Variants in FBXL17 observed in about 807,000 individuals in gnomAD.
FBXL17 encodes the protein F-box/LRR-repeat protein 17.
A neutral mutation model predicts 66.2 loss-of-function variants in FBXL17; 22 were observed. That is an observed-to-expected ratio of 0.33 (90% CI 0.24 to 0.47). The LOEUF is 0.47. Ranked by LOEUF, FBXL17 falls within the 20% of genes least tolerant of loss-of-function variation. FBXL17 has a pLI of 1.00. For synonymous variants in FBXL17, 474 were observed against 400.5 expected (o/e 1.18, Z -2.19); for missense variants, 878 against 948.2 (o/e 0.93, Z 0.97).
In FBXL17 at chr5:108,194,627, T is replaced by G. The variant is rs557938347; in HGVS notation, c.1615-8380A>C. On this transcript the variant is annotated intron_variant, in intron 5 of 8. Coordinates refer to ENST00000542267, the MANE Select transcript of FBXL17 (RefSeq NM_001163315.3). Reference sequence around the variant, plus strand: ...CCTAGACTGTGCTGCTCAGGATCAATCTCTCATCACAAACATCTGAAATCT... The same window carrying G: ...CCTAGACTGTGCTGCTCAGGATCAAGCTCTCATCACAAACATCTGAAATCT... Among the ~76,000 whole-genome samples, 380 of 152,156 alleles carry G rather than the reference T, an allele frequency of 2.5e-3. 2 individuals carry two copies. The highest frequency in any genetic ancestry group is 4.4e-3 in the Non-Finnish European group (300 of 67,926).
chr5:107,912,839 G>A (rs1749997364), intron 7 of FBXL17, among the ~76,000 whole-genome samples: 1 of 152,012 alleles, frequency 6.6e-6, no homozygotes. Flanking sequence ...GCACAATTTG[G>A]TGCCCCAAGA....
chr5:108,080,351 C>T (rs1748715120), intron 6 of FBXL17, among the ~76,000 whole-genome samples: 1 of 152,198 alleles, frequency 6.6e-6, no homozygotes, highest in Non-Finnish European at 1.5e-5. Context: ...AAATTGCCAT[C>T]ACGGAAACAA....
At chr5:107,959,488 C>T (rs904460004) in intron 7 of FBXL17, among the ~76,000 whole-genome samples, 3 of 151,852 alleles carry the variant, frequency 2.0e-5, no homozygotes, top group African/African-American at 7.3e-5. Context: ...CCTGCCTTCG[C>T]CTGGTTCTAA....
At chr5:108,332,169 A>C (rs979858819) in intron 4 of FBXL17, among the ~76,000 whole-genome samples, 1 of 152,184 alleles carries the variant, frequency 6.6e-6, no homozygotes, top group African/African-American at 2.4e-5. Flanking sequence ...GGAGGAATGC[A>C]TAGGTAGATG....
intron 4 of FBXL17, among the ~76,000 whole-genome samples, chr5:108,327,321 T>C (rs1019312775): frequency 2.0e-5 from 3 of 152,148 alleles, no homozygotes; most frequent in African/African-American, 7.2e-5. Context: ...AACTCAACCC[T>C]AAAGCCTGAA....
At chr5:108,059,917 G>T (rs1328619018) in intron 6 of FBXL17, among the ~76,000 whole-genome samples, 2 of 151,328 alleles carry the variant, frequency 1.3e-5, no homozygotes, top group South Asian at 4.2e-4. Flanking sequence ...TTTTCTAGTG[G>T]AAATGTATAT....
intron 4 of FBXL17, among the ~76,000 whole-genome samples, chr5:108,233,925 C>T (rs1158448584): frequency 6.6e-6 from 1 of 152,074 alleles, no homozygotes; most frequent in African/African-American, 2.4e-5. Context: ...GAGGGCTGCA[C>T]TCAATCAGAA....
intron 7 of FBXL17, among the ~76,000 whole-genome samples, chr5:108,004,421 C>A (rs1430601355): frequency 6.6e-6 from 1 of 151,970 alleles, no homozygotes; most frequent in African/African-American, 2.4e-5. Context: ...TTTCTAAAAT[C>A]ATTACATGAT....
rs1284408891 is a variant in FBXL17 at position 107,861,727 on chromosome 5, G to A, written c.2099C>T (p.Ser700Phe). ...MGWTPNMSAA[S>F]S ...CTAGGCGAGGCAGGAGCGCTAGGAG[G>A]AGGCGGCAGACATGTTGGGGGTCCA... is the stretch of plus-strand genomic sequence containing the variant. The change falls in exon 9 of 9, where the codon TCC becomes TTC. Residue 700 changes from serine to phenylalanine, a missense_variant. By Grantham distance (155) the Ser-to-Phe change is radical. Around this residue, in one of 4 missense-constraint regions of FBXL17, gnomAD observed 31 missense variants for 27.0 expected, o/e 1.15. Transcript: ENST00000542267. The A allele has an allele frequency of 1.3e-6, 2 of 1,575,798 alleles. No homozygotes were observed. Among genetic ancestry groups the A allele is most frequent in the Non-Finnish European group, 1.7e-6 (2 of 1,157,994 alleles).
intron 6 of FBXL17, among the ~76,000 whole-genome samples, chr5:108,156,676 T>A (rs866257796): frequency 6.6e-6 from 1 of 152,098 alleles, no homozygotes; most frequent in Non-Finnish European, 1.5e-5. Flanking sequence ...GTTTTCATCT[T>A]ATTTCATAAA....
At chr5:108,170,982 T>C (rs1363475982) in intron 6 of FBXL17, among the ~76,000 whole-genome samples, 4 of 152,196 alleles carry the variant, frequency 2.6e-5, no homozygotes, top group Non-Finnish European at 4.4e-5. Context: ...AACACAGATA[T>C]TTAATACCAC....
chr5:108,122,399 C>A (rs4957741), intron 6 of FBXL17, among the ~76,000 whole-genome samples: 1 of 152,012 alleles, frequency 6.6e-6, no homozygotes, highest in Non-Finnish European at 1.5e-5. Flanking sequence ...TAAAGAAATA[C>A]ATTTTAATTT....
intron 4 of FBXL17, among the ~76,000 whole-genome samples, chr5:108,338,877 T>C (rs1402704393): frequency 1.3e-5 from 2 of 152,098 alleles, no homozygotes; most frequent in African/African-American, 2.4e-5. Flanking sequence ...ACCTACCTAA[T>C]ATGAGTAAGC....
intron 6 of FBXL17, among the ~76,000 whole-genome samples, chr5:108,077,051 C>T (rs1423429580): frequency 6.6e-6 from 1 of 152,132 alleles, no homozygotes; most frequent in Non-Finnish European, 1.5e-5. Context: ...GGTCCAGGAA[C>T]CTCAAGTTAT....
intron 6 of FBXL17, among the ~76,000 whole-genome samples, chr5:108,119,425 A>G (rs1457650201): frequency 6.6e-6 from 1 of 152,214 alleles, no homozygotes; most frequent in East Asian, 1.9e-4. Flanking sequence ...TGGGCATGTC[A>G]GGTGCCCAGC....
chr5:108,017,590 T>C (rs762629550), intron 7 of FBXL17, among the ~76,000 whole-genome samples: 8 of 152,196 alleles, frequency 5.3e-5, no homozygotes, highest in Non-Finnish European at 1.0e-4. Flanking sequence ...AACTAGGAAG[T>C]TAAGTAACTT....
chr5:108,148,248 T>C (rs1211237124), intron 6 of FBXL17, among the ~76,000 whole-genome samples: 1 of 145,048 alleles, frequency 6.9e-6, no homozygotes, highest in Non-Finnish European at 1.5e-5. Flanking sequence ...AGTGTAATCA[T>C]TAAAATATCA....
At chr5:108,271,974 C>G (rs1402329958) in intron 4 of FBXL17, among the ~76,000 whole-genome samples, 1 of 152,156 alleles carries the variant, frequency 6.6e-6, no homozygotes, top group Non-Finnish European at 1.5e-5. Context: ...AGCTAATACA[C>G]TGGTACAATG....
At chr5:108,321,503 A>G (rs1261887205) in intron 4 of FBXL17, among the ~76,000 whole-genome samples, 2 of 151,944 alleles carry the variant, frequency 1.3e-5, no homozygotes, top group African/African-American at 2.4e-5. Flanking sequence ...AGACTGGCAT[A>G]GAATGCTATT....
Sources: allele counts gnomAD v4.1 joint callset (sites outside exome capture counted in the v4.1 genomes callset), GRCh38; gene constraint gnomAD v4.1.1; regional missense constraint gnomAD v4.1.1; transcripts MANE v1.5; gene names NCBI Gene and HGNC (gene_info 2026-07-23, HGNC 2026-07-21).